The following DOCK9 variants were observed in gnomAD, a reference collection of about 807,000 sequenced individuals.
DOCK9 encodes dedicator of cytokinesis 9.
Under a neutral mutation model 263.3 loss-of-function variants are expected in DOCK9, and 89 were observed. That is an observed-to-expected ratio of 0.34 (90% CI 0.28 to 0.40). The LOEUF is 0.40. Ranked by LOEUF, DOCK9 falls within the 10% of genes least tolerant of loss-of-function variation. The pLI is 1.00. For missense variants in DOCK9, 2,140 were observed against 2,603.4 expected (o/e 0.82, Z 3.87); for synonymous variants, 976 against 973.1 (o/e 1.00, Z -0.06).
rs192942020 is a variant in DOCK9, at chr13:98,882,941, T to C, written c.2559+101A>G. ...AAGCTACTGATGTGAGACATCCAGG[T>C]AAGAGCTTCCAAGGGGTGAGAACAC... On this transcript the variant is annotated intron_variant, in intron 23 of 52. Coordinates refer to ENST00000682017, the MANE Select transcript of DOCK9 (RefSeq NM_001366683.2). 1.1e-4 allele frequency: 98 copies of C among 929,692 alleles called. No individual in the cohort carries two copies. The African/African-American group carries it at 1.3e-3, about 13-fold the overall frequency. The allele number at this position is 929,692 out of a possible 1,614,324, so 57.6% of individuals were successfully genotyped here.
At chr13:98,980,108 T>C (rs540359772), upstream of DOCK9, among the ~76,000 whole-genome samples, 4 of 152,368 alleles carry the variant, frequency 2.6e-5, no homozygotes, top group African/African-American at 7.2e-5. Context: ...CACTGCAGTC[T>C]TGACCTCCTG....
Position 98,883,698 on chromosome 13 carries a change from G to GATCT in DOCK9, c.2469+111_2469+114dup, listed in dbSNP as rs2142824574. The GATCT allele has an allele frequency of 4.8e-6, 3 of 621,746 alleles. No homozygotes were observed. In the East Asian group the frequency reaches 8.5e-5, roughly 18 times the overall value. 38.5% of individuals were successfully genotyped at this position (621,746 alleles called of 1,614,324 possible). ...GTTGTACTTTCTTTCTTTAGAAAAAGATCTATAGAGTAAAAATATAGTAAT... is the reference window on the plus strand; with the variant it reads ...GTTGTACTTTCTTTCTTTAGAAAAAGATCTATCTATAGAGTAAAAATATAGTAAT... On this transcript the variant is annotated intron_variant, in intron 22 of 52. Transcript: ENST00000682017.
At chr13:98,932,355 A>G (rs1333035481) in intron 2 of DOCK9, among the ~76,000 whole-genome samples, 1 of 152,198 alleles carries the variant, frequency 6.6e-6, no homozygotes, top group East Asian at 1.9e-4. Flanking sequence ...AGATGGTGCC[A>G]CTGCATTCCA....
chr13:99,008,326 G>A (rs1418201255), intron 1 of DOCK9, among the ~76,000 whole-genome samples: 4 of 149,664 alleles, frequency 2.7e-5, no homozygotes, highest in Non-Finnish European at 4.4e-5. Context: ...TCCGCCTCCC[G>A]GGGTTCAAGC....
At chr13:98,922,183 G>T (rs754612751) in intron 5 of DOCK9, 37 bp from the exon 6 acceptor site, 1 of 1,482,384 alleles carries the variant, frequency 6.7e-7, no homozygotes, top group East Asian at 2.4e-5. Flanking sequence ...TCAACCTCCC[G>T]TTATTACCTG....
At chr13:99,000,058 T>C (rs1335504876) in intron 1 of DOCK9, among the ~76,000 whole-genome samples, 25 of 152,238 alleles carry the variant, frequency 1.6e-4, no homozygotes, top group Admixed American at 1.6e-3. Flanking sequence ...TTTAGGGCTC[T>C]GCCTGCCTTA....
At chr13:99,037,972 C>T (rs1458176844) in intron 1 of DOCK9, among the ~76,000 whole-genome samples, 1 of 152,118 alleles carries the variant, frequency 6.6e-6, no homozygotes, top group East Asian at 1.9e-4. Flanking sequence ...ATAAAAGGCA[C>T]AAGGAGACTT....
chr13:98,887,141 ATATTTTTTTTTTTTTTTTTTT>A (rs2045854134), intron 18 of DOCK9, among the ~76,000 whole-genome samples: 1 of 59,640 alleles, frequency 1.7e-5, no homozygotes, highest in African/African-American at 7.5e-5. Context: ...ATATATATAT[ATATTTTTTTTTTTTTTTTTTT>A]TTTTTGCATC....
At position 98,825,918 on chromosome 13, in the gene DOCK9, G is replaced by A. The variant is rs1311998297; in HGVS notation, c.5023+912C>T. The A allele has an allele frequency of 1.3e-6, 2 of 1,553,304 alleles. No homozygotes were observed. Among genetic ancestry groups the A allele is most frequent in the Non-Finnish European group, 1.7e-6 (2 of 1,148,570 alleles). On this transcript the variant is annotated intron_variant, in intron 44 of 52. Transcript: ENST00000682017. This position sits in a 1 kb window ranked among gnomAD's most constrained non-coding sequence, Gnocchi z 4.1. ...AGGCGCTATGGCTGTGGGGGAGAAG[G>A]GGCGGCTCCCACTGGACTGCTTCTA...
intron 1 of DOCK9, among the ~76,000 whole-genome samples, chr13:99,027,367 C>T (rs932140348): frequency 2.0e-5 from 3 of 152,080 alleles, no homozygotes; most frequent in African/African-American, 7.2e-5. Context: ...CATGTGATCC[C>T]ATTCATAATG....
chr13:99,013,737 AG>A (rs369866615), intron 1 of DOCK9, among the ~76,000 whole-genome samples: 12 of 152,280 alleles, frequency 7.9e-5, no homozygotes, highest in African/African-American at 2.9e-4. Context: ...ACAGACACAC[AG>A]GTGAAGAGAA....
At chr13:99,027,440 G>A (rs796396414) in intron 1 of DOCK9, among the ~76,000 whole-genome samples, 7 of 152,154 alleles carry the variant, frequency 4.6e-5, no homozygotes, top group African/African-American at 1.7e-4. Context: ...TCATGCTCAG[G>A]CCCACTGAAG....
intron 2 of DOCK9, among the ~76,000 whole-genome samples, chr13:98,935,060 TGA>T (rs1406145530): frequency 6.6e-6 from 1 of 151,982 alleles, no homozygotes; most frequent in Middle Eastern, 3.2e-3. Flanking sequence ...CAGGATGATA[TGA>T]GAGAAAAAAG....
intron 49 of DOCK9, among the ~76,000 whole-genome samples, chr13:98,802,193 CACGTT>C: frequency 6.6e-6 from 1 of 152,330 alleles, no homozygotes; most frequent in Non-Finnish European, 1.5e-5. Context: ...GAACACAGAT[CACGTT>C]CTACCACGGT....
At position 98,825,701 on chromosome 13, in the gene DOCK9, G is replaced by T. The variant is rs1481033088; in HGVS notation, c.5023+1129C>A. Among the ~76,000 whole-genome samples the T allele has an allele frequency of 6.7e-6, 1 of 149,806 alleles. No homozygotes were observed. Among genetic ancestry groups the T allele is most frequent in the Non-Finnish European group, 1.5e-5 (1 of 67,190 alleles). ...GAATAACAAAAATGGTGGCCAAGGT[G>T]CTTTCCTCTTGTGCCCACAGGAATA... On this transcript the variant is annotated intron_variant, in intron 44 of 52. Coordinates refer to ENST00000682017, the MANE Select transcript of DOCK9 (RefSeq NM_001366683.2). The surrounding 1 kb of genome is among the most constrained non-coding windows in gnomAD (Gnocchi z 4.1).
At chr13:99,020,563 C>G (rs1359443767) in intron 1 of DOCK9, among the ~76,000 whole-genome samples, 1 of 152,226 alleles carries the variant, frequency 6.6e-6, no homozygotes, top group East Asian at 1.9e-4. Context: ...AAAGCTTAAG[C>G]ATCTGCAGCT....
rs539314319 is a variant in DOCK9, at chr13:98,922,525, AAAAGCACATGC to A, written c.487-390_487-380del. Among the ~76,000 whole-genome samples, 293 of 152,338 alleles carry A rather than the reference AAAAGCACATGC, an allele frequency of 1.9e-3. 1 individual carries two copies. Among genetic ancestry groups the A allele is most frequent in the South Asian group, 5.0e-3 (24 of 4,824 alleles). On this transcript the variant is annotated intron_variant, in intron 5 of 52. Transcript: ENST00000682017. ...TGACACTCCCCTATAGTCAGAGGAC[AAAAGCACATGC>A]ACATTCCTGGAAACCTTCCCAGAGG...
At chr13:98,950,692 G>A (rs1165449658) in intron 2 of DOCK9, among the ~76,000 whole-genome samples, 2 of 152,154 alleles carry the variant, frequency 1.3e-5, no homozygotes, top group Non-Finnish European at 2.9e-5. Flanking sequence ...AATATGAATG[G>A]TAGCTTAAAT....
At chr13:99,043,064 C>T (rs946251425) in intron 1 of DOCK9, among the ~76,000 whole-genome samples, 3 of 152,180 alleles carry the variant, frequency 2.0e-5, no homozygotes, top group African/African-American at 4.8e-5. Flanking sequence ...CACCTAGACA[C>T]AGTCCCTTCT....
Sources: gnomAD v4.1 joint callset for allele counts (sites outside exome capture counted in the v4.1 genomes callset) on GRCh38, gnomAD v4.1.1 for gene constraint, Gnocchi (gnomAD v3.1) non-coding constraint, MANE v1.5 for transcripts, NCBI Gene and HGNC (gene_info 2026-07-23, HGNC 2026-07-21) for gene names.